The following FOXN3 variants were observed in gnomAD, a reference collection of about 807,000 sequenced individuals.
The protein encoded by FOXN3 is forkhead box protein N3.
In FOXN3, 7 loss-of-function variants were observed where a neutral mutation model predicts 38.4. That is an observed-to-expected ratio of 0.18 (90% CI 0.10 to 0.34). The LOEUF is 0.34. FOXN3 is among the 10% of genes least tolerant of loss of function. The pLI is 1.00. For synonymous variants in FOXN3, 230 were observed against 242.2 expected, an observed-to-expected ratio of 0.95 and a Z score of 0.47; for missense variants, 456 against 613.4, an observed-to-expected ratio of 0.74 and a Z score of 2.71.
Position 89,157,292 on chromosome 14 carries a change from A to T in FOXN3, c.*5122T>A, listed in dbSNP as rs1887002177. On this transcript the variant is annotated 3_prime_UTR_variant, in exon 6 of 6. Transcript: ENST00000557258. The stretch of plus-strand genomic sequence containing the variant: ...TTTAAAAACTGTGTTTTCCTTCCTT[A>T]ATTTTTGGTCAGTGAAGCTAGCACT... The T allele has an allele frequency of 6.6e-6, 1 of 152,594 alleles. No homozygotes were observed. The highest frequency in any genetic ancestry group is 1.5e-5 in the Non-Finnish European group (1 of 68,040). 9.5% of individuals were successfully genotyped at this position (152,594 alleles called of 1,614,324 possible).
intron 2 of FOXN3, chr14:89,364,260 A>G: frequency 1.8e-5 from 1 of 56,654 alleles, no homozygotes; most frequent in East Asian, 4.8e-4. Context: ...TAGATTAAAA[A>G]AGAAAAAAAA....
At chr14:89,182,560 G>A (rs1012368838) in intron 4 of FOXN3, among the ~76,000 whole-genome samples, 4 of 152,166 alleles carry the variant, frequency 2.6e-5, no homozygotes, top group Non-Finnish European at 5.9e-5. Flanking sequence ...TCCGCTAACA[G>A]ACCACCTTAT....
At chr14:89,556,164 G>T (rs949350504) in intron 1 of FOXN3, among the ~76,000 whole-genome samples, 2 of 150,602 alleles carry the variant, frequency 1.3e-5, no homozygotes, top group African/African-American at 5.0e-5. Flanking sequence ...AGCACTTTGG[G>T]AGGCTGGGGC....
intron 4 of FOXN3, among the ~76,000 whole-genome samples, chr14:89,278,890 C>G (rs1886377413): frequency 6.6e-6 from 1 of 152,178 alleles, no homozygotes; most frequent in Non-Finnish European, 1.5e-5. Flanking sequence ...AAACCTTCCC[C>G]TGGCATGACT....
intron 3 of FOXN3, among the ~76,000 whole-genome samples, chr14:89,348,492 T>C (rs144289007): frequency 1.2e-3 from 184 of 152,266 alleles, no homozygotes; most frequent in African/African-American, 4.4e-3. Flanking sequence ...AACTCTCAGC[T>C]TTCAGATGAA....
intron 4 of FOXN3, among the ~76,000 whole-genome samples, chr14:89,203,264 T>C (rs1325010944): frequency 6.6e-6 from 1 of 151,988 alleles, no homozygotes; most frequent in East Asian, 1.9e-4. Flanking sequence ...GGATGTGCGG[T>C]TTCTCACCTT....
chr14:89,567,525 AG>A (rs1350305111), intron 1 of FOXN3, among the ~76,000 whole-genome samples: 1 of 134,168 alleles, frequency 7.5e-6, no homozygotes, highest in African/African-American at 2.7e-5. Context: ...AGACTGTAAA[AG>A]GTACAGAGCG....
At chr14:89,463,075 G>C (rs1211534844) in intron 1 of FOXN3, among the ~76,000 whole-genome samples, 4 of 151,202 alleles carry the variant, frequency 2.6e-5, no homozygotes, top group Middle Eastern at 3.2e-3. Context: ...CGGATCACGA[G>C]GTCAGGAGAT....
chr14:89,549,404 C>A (rs1239081844), intron 1 of FOXN3, among the ~76,000 whole-genome samples: 1 of 152,022 alleles, frequency 6.6e-6, no homozygotes, highest in Non-Finnish European at 1.5e-5. Flanking sequence ...GAAAAGAAAG[C>A]AAGGCTCCTC....
At chr14:89,318,218 G>A (rs575165910) in intron 3 of FOXN3, among the ~76,000 whole-genome samples, 2 of 140,026 alleles carry the variant, frequency 1.4e-5, no homozygotes, top group East Asian at 4.1e-4. Flanking sequence ...GAGTGCAATG[G>A]CGTGATCTCA....
intron 2 of FOXN3, among the ~76,000 whole-genome samples, chr14:89,400,681 C>T (rs576867184): frequency 6.6e-6 from 1 of 152,280 alleles, no homozygotes; most frequent in African/African-American, 2.4e-5. Context: ...AACTGCGACC[C>T]CTCTTTCTGT....
intron 4 of FOXN3, among the ~76,000 whole-genome samples, chr14:89,182,887 T>C (rs1257646543): frequency 6.6e-6 from 1 of 152,122 alleles, no homozygotes; most frequent in Non-Finnish European, 1.5e-5. Flanking sequence ...AAGCAAGTGT[T>C]AGAACAACCA....
chr14:89,386,009 G>T (rs1890780886), intron 2 of FOXN3, among the ~76,000 whole-genome samples: 1 of 152,186 alleles, frequency 6.6e-6, no homozygotes, highest in African/African-American at 2.4e-5. Context: ...ACTCACAACG[G>T]TTCTACTCTC....
chr14:89,171,488 C>G lies in FOXN3; in HGVS notation c.852-8519G>C, dbSNP rs969934381. Among the ~76,000 whole-genome samples, 6 of 151,882 alleles carry G rather than the reference C, an allele frequency of 4.0e-5. No homozygotes were observed. The South Asian group carries it at 6.2e-4, about 16-fold the overall frequency. On this transcript the variant is annotated intron_variant, in intron 5 of 5. Coordinates refer to ENST00000557258, the MANE Select transcript of FOXN3 (RefSeq NM_005197.4). ...GAACTAGAGAAACCTGGGTTATAAACAAAGACACAAAATTCATAAATAAAA... is the reference window on the plus strand; with the variant it reads ...GAACTAGAGAAACCTGGGTTATAAAGAAAGACACAAAATTCATAAATAAAA...
intron 4 of FOXN3, among the ~76,000 whole-genome samples, chr14:89,221,988 A>G (rs1389443350): frequency 2.6e-5 from 4 of 151,908 alleles, no homozygotes; most frequent in African/African-American, 7.2e-5. Flanking sequence ...GCGCCCGGCT[A>G]ATTTTTTGTA....
intron 1 of FOXN3, among the ~76,000 whole-genome samples, chr14:89,547,133 G>T (rs955855546): frequency 1.3e-5 from 2 of 152,190 alleles, no homozygotes; most frequent in African/African-American, 2.4e-5. Context: ...GGTGGCTCAC[G>T]CCTGTAATCA....
At chr14:89,226,710 C>T (rs1208402178) in intron 4 of FOXN3, among the ~76,000 whole-genome samples, 1 of 152,176 alleles carries the variant, frequency 6.6e-6, no homozygotes, top group Non-Finnish European at 1.5e-5. Flanking sequence ...CAGGTTGTTG[C>T]TGACATAAAT....
At chr14:89,567,609 AG>A (rs1895388404) in intron 1 of FOXN3, among the ~76,000 whole-genome samples, 1 of 152,132 alleles carries the variant, frequency 6.6e-6, no homozygotes, top group African/African-American at 2.4e-5. Context: ...AGTGGTACCA[AG>A]GGAAGATTAT....
intron 3 of FOXN3, among the ~76,000 whole-genome samples, chr14:89,319,568 C>T (rs1041321297): frequency 3.9e-5 from 6 of 152,064 alleles, no homozygotes; most frequent in African/African-American, 1.4e-4. Flanking sequence ...TTTCCACAAA[C>T]GATGCAGGCA....
Sources: allele counts gnomAD v4.1 joint callset (sites outside exome capture counted in the v4.1 genomes callset), GRCh38; gene constraint gnomAD v4.1.1; transcripts MANE v1.5; gene names NCBI Gene and HGNC (gene_info 2026-07-23, HGNC 2026-07-21).